IGSF3: variants seen among roughly 807,000 people sequenced by gnomAD.
IGSF3 encodes glu-Trp-Ile EWI motif-containing protein 3.
Under a neutral mutation model 114.4 loss-of-function variants are expected in IGSF3, and 23 were observed. That is an observed-to-expected ratio of 0.20 (90% CI 0.14 to 0.28). The LOEUF is 0.28. Ranked by LOEUF, IGSF3 falls within the 10% of genes least tolerant of loss-of-function variation. IGSF3 has a pLI of 1.00. For synonymous variants in IGSF3, 571 were observed against 645.2 expected (o/e 0.88, Z 1.74); for missense variants, 1,172 against 1,591.5 (o/e 0.74, Z 4.48).
Position 116,608,285 on chromosome 1 carries a change from C to G in IGSF3, c.879G>C (p.Thr293=). 1.2e-6 allele frequency: 2 copies of G among 1,612,504 alleles called. No homozygotes were observed. Residue 293 remains threonine, a synonymous_variant, in exon 5 of 11, where the codon ACG becomes ACC. Coordinates refer to ENST00000369486, the MANE Select transcript of IGSF3 (RefSeq NM_001007237.3). ...VRLETEKRLH[T]VGEPVEFRCI... ...ATCTGAACTCCACCGGCTCGCCCAC[C>G]GTGTGCAGCCGCTTCTCTGTCTCCA...
chr1:116,650,881 T>C lies in IGSF3; in HGVS notation c.43+15403A>G, dbSNP rs1267026294. Among the ~76,000 whole-genome samples, 1 of 152,214 alleles carries C rather than the reference T, an allele frequency of 6.6e-6. No homozygotes were observed. The highest frequency in any genetic ancestry group is 1.5e-5 in the Non-Finnish European group (1 of 68,042). ...CAAAAACGTTCTTAACACAGAAGGT[T>C]TGGGAAGCTCTGATCTAAGCCCTAG... On this transcript the variant is annotated intron_variant, in intron 2 of 10. Transcript: ENST00000369486. The surrounding 1 kb of genome is among the most constrained non-coding windows in gnomAD (Gnocchi z 5.0).
chr1:116,640,054 A>AAAGG (rs1553218795), intron 2 of IGSF3, among the ~76,000 whole-genome samples: 1 of 147,486 alleles, frequency 6.8e-6, no homozygotes, highest in African/African-American at 2.7e-5. Flanking sequence ...AAAAAAAAAA[A>AAAGG]AAAGAAAGAA....
chr1:116,633,238 G>A lies in IGSF3; in HGVS notation c.44-16781C>T, dbSNP rs116223984. Among the ~76,000 whole-genome samples, 520 of 152,262 alleles carry A rather than the reference G, an allele frequency of 3.4e-3. 2 individuals carry two copies. The highest frequency in any genetic ancestry group is 5.5e-3 in the Non-Finnish European group (376 of 68,014). ...GGTTCAACCATTCCCACCCACTGCC[G>A]GATCAAGCACTTCCCACCTCCTGCT... On this transcript the variant is annotated intron_variant, in intron 2 of 10. Transcript: ENST00000369486. The surrounding 1 kb of genome is among the most constrained non-coding windows in gnomAD (Gnocchi z 4.3).
chr1:116,600,002 G>T lies in IGSF3; in HGVS notation c.1968C>A (p.Asn656Lys), dbSNP rs1162553977. ...TCCTCTCCGCCAGTCGCGTCCAGGT[G>T]TTGTTGTAGTTCTTCCGCCACAGCT... ...VAELWRKNYN[N>K]TWTRLAERTS... Residue 656 changes from asparagine (N) to lysine (K), a missense_variant, in exon 7 of 11, where the codon AAC becomes AAA. By Grantham distance (94) the Asn-to-Lys change is moderately conservative. Coordinates refer to ENST00000369486, the MANE Select transcript of IGSF3 (RefSeq NM_001007237.3). This position sits in a 1 kb window ranked among gnomAD's most constrained non-coding sequence, Gnocchi z 5.5. 6.2e-7 allele frequency: 1 copy of T among 1,614,182 alleles called. No homozygotes were observed. The highest frequency in any genetic ancestry group is 8.5e-7 in the Non-Finnish European group (1 of 1,180,034).
At chr1:116,601,535 TATATTTTGTTAA>T (rs1484249706) in intron 6 of IGSF3, among the ~76,000 whole-genome samples, 1 of 152,222 alleles carries the variant, frequency 6.6e-6, no homozygotes, top group Non-Finnish European at 1.5e-5. Context: ...TGAGATATAC[TATATTTTGTTAA>T]ATATTTTGTT....
chr1:116,635,071 G>A (rs1647763352), intron 2 of IGSF3, among the ~76,000 whole-genome samples: 1 of 152,180 alleles, frequency 6.6e-6, no homozygotes, highest in Admixed American at 6.5e-5. Flanking sequence ...CAGACTTCAT[G>A]AAAGAGAATA....
In IGSF3 at chr1:116,666,455, G is replaced by A; in HGVS notation, c.-129C>T. The A allele has an allele frequency of 4.7e-6, 4 of 856,468 alleles. No individual in the cohort carries two copies. The East Asian group carries it at 9.8e-5, about 21-fold the overall frequency. The allele number at this position is 856,468 out of a possible 1,614,324, so 53.1% of individuals were successfully genotyped here. On this transcript the variant is annotated 5_prime_UTR_variant, in exon 2 of 11. Coordinates refer to ENST00000369486, the MANE Select transcript of IGSF3 (RefSeq NM_001007237.3). ...AAATAGAACTTAACTCGGAAAATGG[G>A]AACAGATTAAAAAGAAGAGATCAGA...
rs1411009887 is a variant in IGSF3 at position 116,593,991 on chromosome 1, A to G, written c.2030-4887T>C. 1.3e-5 allele frequency among the ~76,000 whole-genome samples: 2 copies of G among 152,262 alleles called. No homozygotes were observed. Among genetic ancestry groups the G allele is most frequent in the Non-Finnish European group, 2.9e-5 (2 of 68,052 alleles). On this transcript the variant is annotated intron_variant, in intron 7 of 10. Coordinates refer to ENST00000369486, the MANE Select transcript of IGSF3 (RefSeq NM_001007237.3). This position sits in a 1 kb window ranked among gnomAD's most constrained non-coding sequence, Gnocchi z 4.5. The stretch of plus-strand genomic sequence containing the variant: ...GGGCAAAAATTATGCCTCTGGGCCT[A>G]GAACCTACTTTCGTTTTACTATAAT...
At position 116,655,937 on chromosome 1, in the gene IGSF3, T is replaced by A. The variant is rs1648826952; in HGVS notation, c.43+10347A>T. On this transcript the variant is annotated intron_variant, in intron 2 of 10. Coordinates refer to ENST00000369486, the MANE Select transcript of IGSF3 (RefSeq NM_001007237.3). This position sits in a 1 kb window ranked among gnomAD's most constrained non-coding sequence, Gnocchi z 4.3. ...AAATTTAAGGGTAATATTTTTATTA[T>A]GACTTGCTCTCCTGATACAGCAAAA... Among the ~76,000 whole-genome samples, 1 of 152,238 alleles carries A rather than the reference T, an allele frequency of 6.6e-6. No homozygotes were observed. Among genetic ancestry groups the A allele is most frequent in the Non-Finnish European group, 1.5e-5 (1 of 68,048 alleles).
rs1363731011 is a variant in IGSF3 at position 116,634,035 on chromosome 1, G to A, written c.44-17578C>T. Reference sequence around the variant, plus strand: ...AATGTGTACAGTCAGCATCAAAGAGGTAACAATGGTAGAGAATATTTTCTG... The same window carrying A: ...AATGTGTACAGTCAGCATCAAAGAGATAACAATGGTAGAGAATATTTTCTG... On this transcript the variant is annotated intron_variant, in intron 2 of 10. Coordinates refer to ENST00000369486, the MANE Select transcript of IGSF3 (RefSeq NM_001007237.3). This position sits in a 1 kb window ranked among gnomAD's most constrained non-coding sequence, Gnocchi z 4.2. 2.0e-5 allele frequency among the ~76,000 whole-genome samples: 3 copies of A among 152,210 alleles called. No individual in the cohort carries two copies. The highest frequency in any genetic ancestry group is 1.3e-4 in the Admixed American group (2 of 15,288).
chr1:116,637,471 G>C (rs1041811649), intron 2 of IGSF3, among the ~76,000 whole-genome samples: 2 of 152,156 alleles, frequency 1.3e-5, no homozygotes, highest in African/African-American at 4.8e-5. Flanking sequence ...CTTACAAACA[G>C]GTTCCAGTTT....
At chr1:116,640,908 CCAAT>C (rs1648061637) in intron 2 of IGSF3, among the ~76,000 whole-genome samples, 1 of 152,190 alleles carries the variant, frequency 6.6e-6, no homozygotes, top group Non-Finnish European at 1.5e-5. Flanking sequence ...ACACTTTTCA[CCAAT>C]CAGATATAAG....
Position 116,642,771 on chromosome 1 carries a change from C to T in IGSF3, c.43+23513G>A, listed in dbSNP as rs1437651617. Among the ~76,000 whole-genome samples, 1 of 152,250 alleles carries T rather than the reference C, an allele frequency of 6.6e-6. No homozygotes were observed. The highest frequency in any genetic ancestry group is 1.5e-5 in the Non-Finnish European group (1 of 68,046). The stretch of plus-strand genomic sequence containing the variant: ...TGCGCTGTAGTATCATCAATCACCG[C>T]TGCTGCTCGCTGGGACTTGGAAGCA... On this transcript the variant is annotated intron_variant, in intron 2 of 10. Coordinates refer to ENST00000369486, the MANE Select transcript of IGSF3 (RefSeq NM_001007237.3). The surrounding 1 kb of genome is among the most constrained non-coding windows in gnomAD (Gnocchi z 5.4).
intron 2 of IGSF3, among the ~76,000 whole-genome samples, chr1:116,663,908 TG>T (rs368343861): frequency 1.8e-3 from 274 of 152,306 alleles, no homozygotes; most frequent in African/African-American, 6.1e-3. Context: ...CTTAAAACCT[TG>T]GGATTCTTCG....
rs1246391896 is a variant in IGSF3, at chr1:116,594,656, T to A, written c.2029+5285A>T. Among the ~76,000 whole-genome samples, 1 of 152,222 alleles carries A rather than the reference T, an allele frequency of 6.6e-6. No individual in the cohort carries two copies. The highest frequency in any genetic ancestry group is 1.5e-5 in the Non-Finnish European group (1 of 68,044). ...GAATTCAAACCCAGGCCGTCTGGTCTGTCCTTGCTTTTAGCTATTACATAT... is the reference window on the plus strand; with the variant it reads ...GAATTCAAACCCAGGCCGTCTGGTCAGTCCTTGCTTTTAGCTATTACATAT... On this transcript the variant is annotated intron_variant, in intron 7 of 10. Coordinates refer to ENST00000369486, the MANE Select transcript of IGSF3 (RefSeq NM_001007237.3). This position sits in a 1 kb window ranked among gnomAD's most constrained non-coding sequence, Gnocchi z 5.2.
chr1:116,602,767 C>G (rs1265567870), intron 6 of IGSF3, among the ~76,000 whole-genome samples: 1 of 152,176 alleles, frequency 6.6e-6, no homozygotes, highest in Non-Finnish European at 1.5e-5. Context: ...ACAGGAAGAC[C>G]TGATATAACA....
rs557312 is a variant in IGSF3 at position 116,624,073 on chromosome 1, A to C, written c.44-7616T>G. On this transcript the variant is annotated intron_variant, in intron 2 of 10. Coordinates refer to ENST00000369486, the MANE Select transcript of IGSF3 (RefSeq NM_001007237.3). The surrounding 1 kb of genome is among the most constrained non-coding windows in gnomAD (Gnocchi z 4.9). ...TTGCACTGTGGGCTGGGCAACAGAG[A>C]AAGACTCTATCTAAAAAAAAAACAA... Among the ~76,000 whole-genome samples, 78,348 of 149,862 alleles carry C rather than the reference A, an allele frequency of 0.52. 21,652 individuals carry two copies. Among genetic ancestry groups the C allele is most frequent in the African/African-American group, 0.7 (28,199 of 40,394 alleles).
In IGSF3 at chr1:116,607,473, C is replaced by T. The variant is rs1174469812; in HGVS notation, c.1222+469G>A. ...AATGCCAGCCTTTATACCTGAAAAA[C>T]CCAGATGGCAAATCCTTAATAATGC... On this transcript the variant is annotated intron_variant, in intron 5 of 10. Coordinates refer to ENST00000369486, the MANE Select transcript of IGSF3 (RefSeq NM_001007237.3). The surrounding 1 kb of genome is among the most constrained non-coding windows in gnomAD (Gnocchi z 6.1). Among the ~76,000 whole-genome samples the T allele has an allele frequency of 1.3e-5, 2 of 152,214 alleles. No homozygotes were observed. The highest frequency in any genetic ancestry group is 4.8e-5 in the African/African-American group (2 of 41,442).
intron 10 of IGSF3, among the ~76,000 whole-genome samples, chr1:116,578,215 G>C (rs748054581): frequency 6.6e-6 from 1 of 152,176 alleles, no homozygotes; most frequent in Non-Finnish European, 1.5e-5. Context: ...CCTAGCCTCT[G>C]GGAGCCCCTG....
Sources: gnomAD v4.1 joint callset for allele counts (sites outside exome capture counted in the v4.1 genomes callset) on GRCh38, gnomAD v4.1.1 for gene constraint, Gnocchi (gnomAD v3.1) non-coding constraint, MANE v1.5 for transcripts, NCBI Gene and HGNC (gene_info 2026-07-23, HGNC 2026-07-21) for gene names.